Variants in PCDH9 observed in about 807,000 individuals in gnomAD.
PCDH9 encodes protocadherin 9, also known as protocadherin-9.
A neutral mutation model predicts 70.6 loss-of-function variants in PCDH9; 24 were observed. That is an observed-to-expected ratio of 0.34 (90% CI 0.25 to 0.48). PCDH9 has a LOEUF of 0.48. Among genes scored for constraint, PCDH9 ranks in the 20% least tolerant of loss-of-function variants. The pLI, the probability that PCDH9 is intolerant of heterozygous loss-of-function variation, is 0.99. For missense variants in PCDH9, 1,281 were observed against 1,503.6 expected (o/e 0.85, Z 2.45); for synonymous variants, 562 against 558.5 (o/e 1.01, Z -0.09).
intron 4 of PCDH9, among the ~76,000 whole-genome samples, chr13:66,391,909 TG>T (rs1957025995): frequency 6.7e-6 from 1 of 150,190 alleles, no homozygotes; most frequent in African/African-American, 2.4e-5. Flanking sequence ...TATATATGTT[TG>T]TGCATACATA....
At chr13:66,559,887 C>T (rs530916397) in intron 4 of PCDH9, among the ~76,000 whole-genome samples, 29 of 146,578 alleles carry the variant, frequency 2.0e-4, no homozygotes, top group Admixed American at 4.1e-4. Flanking sequence ...AATGTACTAA[C>T]GTGATACAAG....
chr13:66,690,167 G>T (rs937889500), intron 3 of PCDH9, among the ~76,000 whole-genome samples: 11 of 152,160 alleles, frequency 7.2e-5, no homozygotes, highest in African/African-American at 2.7e-4. Flanking sequence ...AGTGCACTAA[G>T]TTATTTAACT....
At chr13:66,889,515 A>G (rs1011012874) in intron 3 of PCDH9, among the ~76,000 whole-genome samples, 9 of 152,142 alleles carry the variant, frequency 5.9e-5, no homozygotes, top group African/African-American at 1.4e-4. Flanking sequence ...TGTATTTTCA[A>G]TGAAGTGACT....
At chr13:67,181,957 C>T (rs1489995430) in intron 2 of PCDH9, among the ~76,000 whole-genome samples, 1 of 152,190 alleles carries the variant, frequency 6.6e-6, no homozygotes, top group Non-Finnish European at 1.5e-5. Context: ...AGTCCCCAGT[C>T]TGGCCTTCAC....
intron 4 of PCDH9, among the ~76,000 whole-genome samples, chr13:66,355,510 T>C (rs1956367662): frequency 6.6e-6 from 1 of 152,136 alleles, no homozygotes; most frequent in African/African-American, 2.4e-5. Flanking sequence ...TAAAATGGCC[T>C]CAAGCATAGG....
At chr13:66,541,121 A>G (rs1241936813) in intron 4 of PCDH9, among the ~76,000 whole-genome samples, 1 of 152,176 alleles carries the variant, frequency 6.6e-6, no homozygotes, top group East Asian at 1.9e-4. Context: ...CCTTCTAACT[A>G]TAAATTACAC....
At chr13:66,992,317 C>T (rs1008106703) in intron 2 of PCDH9, among the ~76,000 whole-genome samples, 3 of 152,076 alleles carry the variant, frequency 2.0e-5, no homozygotes, top group Non-Finnish European at 4.4e-5. Context: ...AAGGTACTGC[C>T]ACTCTGTCAA....
At chr13:66,974,455 C>A (rs985348994) in intron 2 of PCDH9, among the ~76,000 whole-genome samples, 7 of 151,918 alleles carry the variant, frequency 4.6e-5, no homozygotes, top group African/African-American at 1.4e-4. Context: ...GGAAGGCTTG[C>A]CTCCATCTGT....
chr13:66,521,249 G>A (rs1323472585), intron 4 of PCDH9, among the ~76,000 whole-genome samples: 3 of 152,096 alleles, frequency 2.0e-5, no homozygotes, highest in Admixed American at 2.0e-4. Flanking sequence ...GCCTTTCCAT[G>A]TGTTGAGTAA....
chr13:67,182,096 G>A (rs61959434), intron 2 of PCDH9, among the ~76,000 whole-genome samples: 4,327 of 152,198 alleles, frequency 0.028, 85 homozygotes, highest in Non-Finnish European at 0.04. Context: ...AAGTTTCAGG[G>A]CATTTAAACA....
At chr13:66,728,300 C>T (rs1347712104) in intron 3 of PCDH9, among the ~76,000 whole-genome samples, 1 of 152,082 alleles carries the variant, frequency 6.6e-6, no homozygotes, top group African/African-American at 2.4e-5. Flanking sequence ...ACTGGAGTTT[C>T]CAAATCATTT....
rs114804116 is a variant in PCDH9 at position 67,222,307 on chromosome 13, C to A, written c.3036+3098G>T. 1,132 of 130,308 alleles carry A rather than the reference C, an allele frequency of 8.7e-3. 17 individuals are homozygous for A. Among genetic ancestry groups the A allele is most frequent in the African/African-American group, 0.029 (1,031 of 35,356 alleles). The allele number at this position is 130,308 out of a possible 1,614,324, so 8.1% of individuals were successfully genotyped here. On this transcript the variant is annotated intron_variant, in intron 2 of 4. Transcript: ENST00000377865. ...TTTGCCAAAAAAAAAAAAGTAAATT[C>A]TTAACCTATAAAGGCTAATCGCACT...
At chr13:66,888,295 GA>G (rs1272756230) in intron 3 of PCDH9, among the ~76,000 whole-genome samples, 1 of 151,964 alleles carries the variant, frequency 6.6e-6, no homozygotes, top group Non-Finnish European at 1.5e-5. Context: ...AGGAATTCAA[GA>G]CCAGCCTGGG....
chr13:66,356,999 A>G (rs1956394688), intron 4 of PCDH9, among the ~76,000 whole-genome samples: 1 of 151,998 alleles, frequency 6.6e-6, no homozygotes, highest in East Asian at 1.9e-4. Flanking sequence ...CCATTTCCCC[A>G]TACCAGTGTG....
chr13:66,971,319 C>A (rs1594329444), intron 2 of PCDH9, among the ~76,000 whole-genome samples: 1 of 151,994 alleles, frequency 6.6e-6, no homozygotes, highest in African/African-American at 2.4e-5. Context: ...ATGCAAACAG[C>A]AGTCCATAAT....
chr13:67,064,600 T>C (rs1399780762), intron 2 of PCDH9, among the ~76,000 whole-genome samples: 1 of 152,178 alleles, frequency 6.6e-6, no homozygotes, highest in Non-Finnish European at 1.5e-5. Context: ...TCTGCTAAAC[T>C]AGATTAAAAT....
intron 4 of PCDH9, among the ~76,000 whole-genome samples, chr13:66,455,768 ATC>A (rs1221141273): frequency 6.6e-6 from 1 of 152,074 alleles, no homozygotes; most frequent in Non-Finnish European, 1.5e-5. Context: ...TTGGAAAGTA[ATC>A]TTTTTTCTTT....
intron 2 of PCDH9, among the ~76,000 whole-genome samples, chr13:67,142,776 G>A (rs574452930): frequency 1.1e-4 from 17 of 151,682 alleles, no homozygotes; most frequent in African/African-American, 2.9e-4. Context: ...CGAGGCGGGC[G>A]GACCATGAGG....
chr13:66,821,358 A>C (rs1049178399), intron 3 of PCDH9, among the ~76,000 whole-genome samples: 3 of 152,190 alleles, frequency 2.0e-5, no homozygotes, highest in African/African-American at 7.2e-5. Context: ...ATGGAAATAT[A>C]GTAGCTATTT....
Sources: gnomAD v4.1 joint callset for allele counts (sites outside exome capture counted in the v4.1 genomes callset) on GRCh38, gnomAD v4.1.1 for gene constraint, MANE v1.5 for transcripts, NCBI Gene and HGNC (gene_info 2026-07-23, HGNC 2026-07-21) for gene names.